The following IL5RA variants were observed in gnomAD, a reference collection of about 807,000 sequenced individuals.
The protein encoded by IL5RA is interleukin-5 receptor subunit alpha.
Under a neutral mutation model 50.0 loss-of-function variants are expected in IL5RA, and 49 were observed. That is an observed-to-expected ratio of 0.98 (90% CI 0.78 to 1.24). The LOEUF (loss-of-function observed/expected upper bound fraction) is 1.24, where lower values mean the gene tolerates loss of function less well. Ranked by LOEUF, IL5RA falls within the 50% of genes most tolerant of loss-of-function variation. IL5RA has a pLI of 0.00. For missense variants in IL5RA, 600 were observed against 500.4 expected (o/e 1.20, Z -1.90); for synonymous variants, 202 against 174.0 (o/e 1.16, Z -1.26).
At chr3:3,088,023 A>C (rs527679046) in intron 9 of IL5RA, among the ~76,000 whole-genome samples, 2 of 152,366 alleles carry the variant, frequency 1.3e-5, no homozygotes, top group Admixed American at 1.3e-4. Context: ...TCTTCATGAA[A>C]AGGATGGCAG....
In IL5RA at chr3:3,069,099, T is replaced by C. The variant is rs1702214829; in HGVS notation, c.*1126A>G. On this transcript the variant is annotated 3_prime_UTR_variant, in exon 12 of 12. Coordinates refer to ENST00000446632, the MANE Select transcript of IL5RA (RefSeq NM_175726.4). ...GGATTCTGGGCACTGTTACCTCCTT[T>C]CTAGGCCTTCAGCTTCTTGACCAAG... 2 of 151,728 alleles carry C rather than the reference T, an allele frequency of 1.3e-5. No individual in the cohort carries two copies. The highest frequency in any genetic ancestry group is 2.9e-5 in the Non-Finnish European group (2 of 67,968). 9.4% of individuals were successfully genotyped at this position (151,728 alleles called of 1,614,324 possible).
At chr3:3,075,752 C>G (rs1702456127) in intron 10 of IL5RA, among the ~76,000 whole-genome samples, 1 of 151,846 alleles carries the variant, frequency 6.6e-6, no homozygotes, top group Non-Finnish European at 1.5e-5. Flanking sequence ...AGGCACGTAC[C>G]ACCACGCCCA....
rs939751986 is a variant in IL5RA at position 3,095,154 on chromosome 3, A to G, written c.855+145T>C. 46 of 616,676 alleles carry G rather than the reference A, an allele frequency of 7.5e-5. No homozygotes were observed. The Middle Eastern group carries it at 1.3e-3, about 17-fold the overall frequency. The allele number at this position is 616,676 out of a possible 1,614,324, so 38.2% of individuals were successfully genotyped here. ...AGATTTGGTTTATATCTATTTGGTT[A>G]TATCTATAATACCTGGGTAGATTAA... On this transcript the variant is annotated intron_variant, in intron 8 of 11. Transcript: ENST00000446632.
intron 9 of IL5RA, among the ~76,000 whole-genome samples, chr3:3,079,914 A>G (rs1702609183): frequency 6.6e-6 from 1 of 152,068 alleles, no homozygotes; most frequent in Non-Finnish European, 1.5e-5. Flanking sequence ...CATGGCTGTC[A>G]TCCCAGCTAC....
At chr3:3,097,552 T>C (rs1406944541) in intron 7 of IL5RA, among the ~76,000 whole-genome samples, 1 of 152,128 alleles carries the variant, frequency 6.6e-6, no homozygotes, top group Non-Finnish European at 1.5e-5. Flanking sequence ...TGAGGGGCAT[T>C]TGGCAAAGTC....
intron 7 of IL5RA, among the ~76,000 whole-genome samples, chr3:3,096,782 C>A (rs1366457184): frequency 6.6e-6 from 1 of 152,144 alleles, no homozygotes; most frequent in Non-Finnish European, 1.5e-5. Flanking sequence ...TGATTCTTTA[C>A]ACAAAGTTAT....
chr3:3,102,675 G>A lies in IL5RA; in HGVS notation c.228C>T (p.Asp76=), dbSNP rs142856302. 44 of 1,576,374 alleles carry A rather than the reference G, an allele frequency of 2.8e-5. No homozygotes were observed. Among genetic ancestry groups the A allele is most frequent in the African/African-American group, 6.8e-5 (5 of 73,418 alleles). ...GATATCCATTAGAATAAACACTTAC[G>A]TCATCTTCTTTTGGAGCGTTTATTT... ...QVKINAPKED[D]YETRITESKC... The change falls in exon 4 of 12, where the codon GAC becomes GAT. Residue 76 remains aspartate, a splice_region_variant and synonymous_variant. Transcript: ENST00000446632.
intron 10 of IL5RA, among the ~76,000 whole-genome samples, chr3:3,075,195 T>TTTAC: frequency 6.8e-6 from 1 of 146,420 alleles, no homozygotes; most frequent in African/African-American, 2.5e-5. Context: ...ACTCACAGAG[T>TTTAC]TTACTTACTT....
chr3:3,076,694 T>G, intron 9 of IL5RA, 67 bp from the exon 10 acceptor site: 1 of 1,017,964 alleles, frequency 9.8e-7, no homozygotes, highest in South Asian at 1.4e-5. Context: ...GTAAAAGAAA[T>G]GATGAGGCTT....
chr3:3,098,851 A>C (rs1294990152), intron 5 of IL5RA, among the ~76,000 whole-genome samples: 1 of 152,176 alleles, frequency 6.6e-6, no homozygotes, highest in Non-Finnish European at 1.5e-5. Flanking sequence ...TGTGCAATAC[A>C]TGTGTGGAAG....
intron 2 of IL5RA, 57 bp from the exon 3 acceptor site, chr3:3,105,044 G>C: frequency 9.2e-7 from 1 of 1,087,174 alleles, no homozygotes. Flanking sequence ...AAGAAAAACT[G>C]ATAGCTGCTT....
intron 9 of IL5RA, among the ~76,000 whole-genome samples, chr3:3,090,717 C>A (rs1022741284): frequency 1.3e-5 from 2 of 151,906 alleles, no homozygotes; most frequent in Admixed American, 1.3e-4. Flanking sequence ...CAGGCGCCCG[C>A]CACCACGCCC....
chr3:3,108,691 C>T lies in IL5RA; in HGVS notation c.-145G>A, dbSNP rs1704045840. 1 of 152,044 alleles carries T rather than the reference C, an allele frequency of 6.6e-6. No individual in the cohort carries two copies. Among genetic ancestry groups the T allele is most frequent in the Admixed American group, 6.5e-5 (1 of 15,272 alleles). The allele number at this position is 152,044 out of a possible 1,614,324, so 9.4% of individuals were successfully genotyped here. A position where few individuals can be genotyped will look rare whatever the true frequency, so the allele number is the denominator to read the frequency against. ...AGGACCAATGCTCAATGTGCCTGGC[C>T]CTGTGTGGAATAGAAGCAAATTAGT... is the stretch of plus-strand genomic sequence containing the variant. On this transcript the variant is annotated splice_region_variant and 5_prime_UTR_variant, in exon 2 of 12. Transcript: ENST00000446632.
chr3:3,070,744 G>C (rs534684802), intron 11 of IL5RA, among the ~76,000 whole-genome samples: 36 of 151,760 alleles, frequency 2.4e-4, no homozygotes, highest in Middle Eastern at 6.8e-3. Flanking sequence ...CACCATGCCC[G>C]GCTAATTTTT....
intron 9 of IL5RA, among the ~76,000 whole-genome samples, chr3:3,086,905 TC>T: frequency 6.6e-6 from 1 of 152,290 alleles, no homozygotes; most frequent in African/African-American, 2.4e-5. Context: ...TGCAATAATG[TC>T]TTTTGCAGCA....
intron 9 of IL5RA, among the ~76,000 whole-genome samples, chr3:3,085,955 CT>C (rs1559866569): frequency 1.3e-5 from 2 of 149,908 alleles, no homozygotes; most frequent in Non-Finnish European, 2.9e-5. Context: ...TTGCTGTGAC[CT>C]CATGAATGAG....
In IL5RA at chr3:3,069,491, G is replaced by C. The variant is rs900168919; in HGVS notation, c.*734C>G. ...CTCAGCACATTTCCAGAATATTAAG[G>C]CTTCCTTCAAGAATATAATATTTGA... is the stretch of plus-strand genomic sequence containing the variant. On this transcript the variant is annotated 3_prime_UTR_variant, in exon 12 of 12. Transcript: ENST00000446632. The C allele has an allele frequency of 1.3e-5, 2 of 152,064 alleles. No individual in the cohort carries two copies. Among genetic ancestry groups the C allele is most frequent in the East Asian group, 1.9e-4 (1 of 5,192 alleles). The allele number at this position is 152,064 out of a possible 1,614,324, so 9.4% of individuals were successfully genotyped here.
intron 3 of IL5RA, among the ~76,000 whole-genome samples, chr3:3,104,656 C>A (rs1022075126): frequency 6.6e-6 from 1 of 152,176 alleles, no homozygotes; most frequent in Non-Finnish European, 1.5e-5. Context: ...CAGCTTTATT[C>A]CATGGTGCCC....
intron 11 of IL5RA, among the ~76,000 whole-genome samples, chr3:3,074,321 C>T (rs201261912): frequency 3.3e-4 from 50 of 152,080 alleles, no homozygotes; most frequent in Non-Finnish European, 5.1e-4. Flanking sequence ...CTTATTATAC[C>T]AGAAAGAAAT....
Sources: allele counts gnomAD v4.1 joint callset (sites outside exome capture counted in the v4.1 genomes callset), GRCh38; gene constraint gnomAD v4.1.1; transcripts MANE v1.5; gene names NCBI Gene and HGNC (gene_info 2026-07-23, HGNC 2026-07-21).